Variants in FAM47E observed in about 807,000 individuals in gnomAD.
The protein encoded by FAM47E is family with sequence similarity 47 member E, also known as protein FAM47E.
In FAM47E, 32 loss-of-function variants were observed where a neutral mutation model predicts 41.6. The observed-to-expected ratio is 0.77, with a 90% CI of 0.58 to 1.03. The LOEUF (loss-of-function observed/expected upper bound fraction) is 1.03. Among genes scored for constraint, FAM47E ranks in the 50% least tolerant of loss-of-function variants. The pLI is 0.00. For synonymous variants in FAM47E, 184 were observed against 188.7 expected (o/e 0.98, Z 0.20); for missense variants, 424 against 485.4 (o/e 0.87, Z 1.19).
rs1411545675 is a variant in FAM47E, at chr4:76,268,735, T to C, written c.636T>C (p.His212=). 6 of 1,551,580 alleles carry C rather than the reference T, an allele frequency of 3.9e-6. No homozygotes were observed. Among genetic ancestry groups the C allele is most frequent in the South Asian group, 1.2e-5 (1 of 84,044 alleles). Residue 212 remains histidine (H), a synonymous_variant, in exon 4 of 8, where the codon CAT becomes CAC. Transcript: ENST00000424749. The part of the protein sequence containing the change: ...EEKPHKMDLL[H]ENGPRPGLHE... Reference sequence around the variant, plus strand: ...AGCCACATAAAATGGATTTGCTCCATGAAAATGGTCCTCGTCCTGGTCTTC... The same window carrying C: ...AGCCACATAAAATGGATTTGCTCCACGAAAATGGTCCTCGTCCTGGTCTTC...
intron 2 of FAM47E, among the ~76,000 whole-genome samples, chr4:76,226,664 T>C (rs1733404401): frequency 6.6e-6 from 1 of 152,208 alleles, no homozygotes; most frequent in Non-Finnish European, 1.5e-5. Context: ...AAACAAGCCC[T>C]GCCTCAGCCC....
At chr4:76,237,993 C>T (rs971014798) in intron 2 of FAM47E, among the ~76,000 whole-genome samples, 8 of 152,118 alleles carry the variant, frequency 5.3e-5, no homozygotes, top group African/African-American at 1.9e-4. Context: ...CTATATCAGA[C>T]CCATAGTTGA....
rs548345427 is a variant in FAM47E at position 76,265,297 on chromosome 4, C to T, written c.560+1454C>T. Among the ~76,000 whole-genome samples the T allele has an allele frequency of 3.9e-5, 6 of 152,316 alleles. No homozygotes were observed. In the South Asian group the frequency reaches 1.2e-3, roughly 32 times the overall value. On this transcript the variant is annotated intron_variant, in intron 3 of 7. Transcript: ENST00000424749. The stretch of plus-strand genomic sequence containing the variant: ...TGCTTCCCCATTCTAGAGGGGAGGA[C>T]TGTCCTGGTCCAGCCTTGCAGGGGA...
intron 6 of FAM47E, chr4:76,280,058 AAGGCT>A: frequency 4.8e-6 from 2 of 418,592 alleles, no homozygotes; most frequent in African/African-American, 2.0e-5. Context: ...GGATAAGGAA[AAGGCT>A]AGGGGAAGGA....
At chr4:76,219,444 T>A (rs569981452) in intron 2 of FAM47E, among the ~76,000 whole-genome samples, 1 of 152,386 alleles carries the variant, frequency 6.6e-6, no homozygotes, top group African/African-American at 2.4e-5. Flanking sequence ...TTAAACTCAC[T>A]GTGGCAAAGC....
Position 76,276,503 on chromosome 4 carries a change from G to T in FAM47E, c.871-1566G>T, listed in dbSNP as rs1735122960. On this transcript the variant is annotated intron_variant, in intron 5 of 7. Transcript: ENST00000424749. ...TTCTCCTGCCTCAGCCTCCCGAGTA[G>T]CTGGGACTACAGGCATGCGCCACCA... is the stretch of plus-strand genomic sequence containing the variant. 2.0e-5 allele frequency among the ~76,000 whole-genome samples: 3 copies of T among 152,118 alleles called. 1 individual carries two copies. The highest frequency in any genetic ancestry group is 2.0e-4 in the Admixed American group (3 of 15,266).
At position 76,245,448 on chromosome 4, in the gene FAM47E, G is replaced by T. The variant is rs768485900; in HGVS notation, c.82-18256G>T. On this transcript the variant is annotated intron_variant, in intron 2 of 7. Transcript: ENST00000510197. ...ATAGCACCTGGTGGGAGCTCCAAGA[G>T]AAGGAAGAAATATAGATGCCTCTAT... Among the ~76,000 whole-genome samples, 100 of 152,122 alleles carry T rather than the reference G, an allele frequency of 6.6e-4. 1 individual carries two copies. Among genetic ancestry groups the T allele is most frequent in the Admixed American group, 1.3e-3 (20 of 15,270 alleles).
chr4:76,276,372 G>GT (rs373775519), intron 5 of FAM47E, among the ~76,000 whole-genome samples: 4 of 86,702 alleles, frequency 4.6e-5, no homozygotes, highest in South Asian at 3.5e-4. Flanking sequence ...TTGTTTGTTT[G>GT]TTTTTTTGTT....
chr4:76,252,915 G>T (rs1160705029), intron 1 of FAM47E, among the ~76,000 whole-genome samples: 1 of 152,118 alleles, frequency 6.6e-6, no homozygotes. Flanking sequence ...GATTTTATCA[G>T]CTCTTACTTG....
chr4:76,263,174 G>A (rs548767789), intron 2 of FAM47E, among the ~76,000 whole-genome samples: 61 of 152,294 alleles, frequency 4.0e-4, no homozygotes, highest in Non-Finnish European at 7.8e-4. Flanking sequence ...AAACATAGTG[G>A]TATGCGTTTA....
chr4:76,235,147 C>G (rs997984835), intron 2 of FAM47E, among the ~76,000 whole-genome samples: 1 of 151,898 alleles, frequency 6.6e-6, no homozygotes, highest in African/African-American at 2.4e-5. Context: ...GAAAACCCGT[C>G]CCTACTAAAA....
upstream of FAM47E, among the ~76,000 whole-genome samples, chr4:76,250,867 C>A (rs1378460878): frequency 6.6e-6 from 1 of 152,092 alleles, no homozygotes; most frequent in Non-Finnish European, 1.5e-5. Flanking sequence ...AATAATAATT[C>A]TTGAGGGATT....
Position 76,251,782 on chromosome 4 carries a change from G to A in FAM47E, c.36G>A (p.Thr12=). 4 of 1,490,150 alleles carry A rather than the reference G, an allele frequency of 2.7e-6. No individual in the cohort carries two copies. Among genetic ancestry groups the A allele is most frequent in the Non-Finnish European group, 3.6e-6 (4 of 1,126,466 alleles). The allele number at this position is 1,490,150 out of a possible 1,614,324, so 92.3% of individuals were successfully genotyped here. ...GCAGGCGGCGGCTCCGGCCGGGGAC[G>A]TTGGCCCCGGTGCGCGAGGGCGTGA... ...ADRRRRLRPG[T]LAPVREGVNC... The change falls in exon 1 of 8, where the codon ACG becomes ACA. Residue 12 remains threonine (T), a synonymous_variant. Coordinates refer to ENST00000424749, the MANE Select transcript of FAM47E (RefSeq NM_001136570.3).
In FAM47E at chr4:76,263,807, T is replaced by C. The variant is rs1316524457; in HGVS notation, c.524T>C (p.Leu175Pro). 1.9e-6 allele frequency: 3 copies of C among 1,551,344 alleles called. No individual in the cohort carries two copies. The highest frequency in any genetic ancestry group is 2.7e-5 in the African/African-American group (2 of 73,022). The part of the protein sequence containing the change: ...TRKGMKEPTK[L>P]LKKHSTQVYL... Reference sequence around the variant, plus strand: ...AAAGGAATGAAGGAACCCACGAAGCTTTTAAAAAAACATTCTACCCAAGTC... The same window carrying C: ...AAAGGAATGAAGGAACCCACGAAGCCTTTAAAAAAACATTCTACCCAAGTC... The change falls in exon 3 of 8, where the codon CTT (leucine) becomes CCT (proline). Residue 175 changes from leucine (L) to proline (P), a missense_variant. By Grantham distance (98) the Leu-to-Pro change is moderately conservative. Coordinates refer to ENST00000424749, the MANE Select transcript of FAM47E (RefSeq NM_001136570.3).
chr4:76,237,594 G>T (rs1414119095), intron 2 of FAM47E, among the ~76,000 whole-genome samples: 1 of 152,104 alleles, frequency 6.6e-6, no homozygotes, highest in Non-Finnish European at 1.5e-5. Context: ...TTGCTATAAA[G>T]AAATAACTGA....
Position 76,271,681 on chromosome 4 carries a change from G to A in FAM47E, c.783G>A (p.Glu261=). ...HTMKLNQVPL[E]LKRSVGLSKL... is the part of the protein sequence containing the mutation. ...TGAAGCTAAATCAGGTTCCTCTGGA[G>A]CTAAAGCGTAGTGTGGGGCTCAGTA... Residue 261 remains glutamate, a synonymous_variant, in exon 5 of 8, where the codon GAG becomes GAA. Coordinates refer to ENST00000424749, the MANE Select transcript of FAM47E (RefSeq NM_001136570.3). 1.9e-6 allele frequency: 3 copies of A among 1,552,040 alleles called. No individual in the cohort carries two copies. The highest frequency in any genetic ancestry group is 1.2e-5 in the South Asian group (1 of 84,062).
At chr4:76,229,060 T>C (rs934932382) in intron 2 of FAM47E, among the ~76,000 whole-genome samples, 3 of 152,166 alleles carry the variant, frequency 2.0e-5, no homozygotes, top group African/African-American at 7.2e-5. Flanking sequence ...CTTTGTCAGA[T>C]TGGGTTAATT....
At chr4:76,250,583 T>C (rs1733934965), upstream of FAM47E, among the ~76,000 whole-genome samples, 1 of 152,164 alleles carries the variant, frequency 6.6e-6, no homozygotes, top group South Asian at 2.1e-4. Context: ...GGGCAAATTG[T>C]TACAAATCAT....
intron 1 of FAM47E, chr4:76,214,482 C>T (rs1026497558): frequency 4.1e-5 from 15 of 362,050 alleles, no homozygotes; most frequent in Admixed American, 7.0e-5. Flanking sequence ...GAAGGAAGTT[C>T]CTTTTGACTG....
Sources: gnomAD v4.1 joint callset for allele counts (sites outside exome capture counted in the v4.1 genomes callset) on GRCh38, gnomAD v4.1.1 for gene constraint, MANE v1.5 for transcripts, NCBI Gene and HGNC (gene_info 2026-07-23, HGNC 2026-07-21) for gene names.